Variants in ADGRL3 observed in about 807,000 individuals in gnomAD.
ADGRL3 encodes the protein adhesion G protein-coupled receptor L3, also known as calcium-independent alpha-latrotoxin receptor 3.
Under a neutral mutation model 153.5 loss-of-function variants are expected in ADGRL3, and 62 were observed. That is an observed-to-expected ratio of 0.40 (90% CI 0.33 to 0.50). ADGRL3 has a LOEUF of 0.50. ADGRL3 is among the 20% of genes least tolerant of loss of function. ADGRL3 has a pLI of 0.47. For synonymous variants in ADGRL3, 710 were observed against 672.5 expected (o/e 1.06, Z -0.86); for missense variants, 1,641 against 1,859.4 (o/e 0.88, Z 2.16).
At chr4:61,609,022 G>A (rs540841904) in intron 5 of ADGRL3, among the ~76,000 whole-genome samples, 7 of 152,030 alleles carry the variant, frequency 4.6e-5, no homozygotes, top group African/African-American at 1.7e-4. Context: ...TTACAGTTTA[G>A]CATTCAGTTA....
intron 5 of ADGRL3, among the ~76,000 whole-genome samples, chr4:61,660,917 T>C (rs1032613663): frequency 5.3e-5 from 8 of 152,138 alleles, no homozygotes; most frequent in African/African-American, 1.9e-4. Context: ...AAACCCTGTT[T>C]TGTTTATACC....
intron 1 of ADGRL3, among the ~76,000 whole-genome samples, chr4:61,312,796 A>G (rs1349897342): frequency 1.3e-5 from 2 of 152,214 alleles, no homozygotes; most frequent in Non-Finnish European, 2.9e-5. Context: ...GCAAAATGGT[A>G]CAGCCACTTT....
At chr4:61,756,048 T>C (rs1293380044) in intron 8 of ADGRL3, among the ~76,000 whole-genome samples, 1 of 152,176 alleles carries the variant, frequency 6.6e-6, no homozygotes, top group Non-Finnish European at 1.5e-5. Context: ...TGAAGTCAGG[T>C]AGCGTGATGC....
At chr4:61,879,301 G>A (rs564519573) in intron 9 of ADGRL3, among the ~76,000 whole-genome samples, 1 of 152,232 alleles carries the variant, frequency 6.6e-6, no homozygotes, top group East Asian at 1.9e-4. Flanking sequence ...TATTACTACA[G>A]ATTGTATATC....
chr4:61,949,667 C>T (rs1313922205), intron 17 of ADGRL3, among the ~76,000 whole-genome samples: 1 of 151,714 alleles, frequency 6.6e-6, no homozygotes, highest in African/African-American at 2.4e-5. Context: ...TGCACTCCAG[C>T]ATGGGAGACA....
At chr4:61,433,760 T>C (rs2097405989) in intron 2 of ADGRL3, among the ~76,000 whole-genome samples, 1 of 152,206 alleles carries the variant, frequency 6.6e-6, no homozygotes, top group Non-Finnish European at 1.5e-5. Context: ...AGCTGCCTAA[T>C]TGACATATCA....
At chr4:61,494,981 G>T (rs908077646) in intron 2 of ADGRL3, among the ~76,000 whole-genome samples, 1 of 152,030 alleles carries the variant, frequency 6.6e-6, no homozygotes, top group East Asian at 1.9e-4. Flanking sequence ...CTATTATTAC[G>T]TATTTTATAT....
At chr4:61,570,129 C>T (rs2098832540) in intron 4 of ADGRL3, among the ~76,000 whole-genome samples, 1 of 152,116 alleles carries the variant, frequency 6.6e-6, no homozygotes, top group Non-Finnish European at 1.5e-5. Context: ...ATTTACATAA[C>T]TGATTTACAT....
intron 1 of ADGRL3, among the ~76,000 whole-genome samples, chr4:61,275,668 A>T (rs1010714457): frequency 2.0e-5 from 3 of 152,140 alleles, no homozygotes; most frequent in African/African-American, 7.2e-5. Context: ...AGATGTTGCC[A>T]CTTGCTATTA....
rs190725889 is a variant in ADGRL3 at position 61,217,565 on chromosome 4, T to G, written c.-240+15800T>G. 2.6e-5 allele frequency among the ~76,000 whole-genome samples: 4 copies of G among 152,324 alleles called. No homozygotes were observed. In the East Asian group the frequency reaches 7.7e-4, roughly 29 times the overall value. On this transcript the variant is annotated intron_variant, in intron 1 of 26. Coordinates refer to ENST00000683033, the MANE Select transcript of ADGRL3 (RefSeq NM_001387552.1). The stretch of plus-strand genomic sequence containing the variant: ...AACGTAGAGAATGTTTTAATATCAC[T>G]TGTCTAGCTTTAATATTAAATTTCA...
intron 9 of ADGRL3, among the ~76,000 whole-genome samples, chr4:61,888,978 C>T (rs1377442908): frequency 6.6e-6 from 1 of 152,046 alleles, no homozygotes; most frequent in Non-Finnish European, 1.5e-5. Context: ...GTTAATTGTA[C>T]ACACTCTTAA....
chr4:61,691,551 T>C (rs961342472), intron 6 of ADGRL3, among the ~76,000 whole-genome samples: 4 of 152,162 alleles, frequency 2.6e-5, no homozygotes, highest in African/African-American at 7.2e-5. Context: ...CCTTACCTCA[T>C]GGTTACTTTG....
In ADGRL3 at chr4:61,948,257, T is replaced by A; in HGVS notation, c.2786T>A (p.Met929Lys). 6.2e-7 allele frequency: 1 copy of A among 1,613,620 alleles called. No individual in the cohort carries two copies. ...CNHLTNFAVL[M>K]AHVEVKHSDA... ...CACCTAACAAATTTTGCAGTACTGA[T>A]GGCACATGTGGAAGTTAAGGTAAGA... is the stretch of plus-strand genomic sequence containing the variant. The change falls in exon 17 of 27, where the codon ATG becomes AAG. Residue 929 changes from methionine (M) to lysine (K), a missense_variant. Around this residue, in one of 5 missense-constraint regions of ADGRL3, gnomAD observed 734 missense variants for 797.0 expected, o/e 0.92. Transcript: ENST00000683033.
intron 2 of ADGRL3, among the ~76,000 whole-genome samples, chr4:61,413,501 A>G (rs1219272158): frequency 6.6e-6 from 1 of 152,064 alleles, no homozygotes; most frequent in Non-Finnish European, 1.5e-5. Context: ...GTTATAACCT[A>G]GTGGAGATGG....
intron 1 of ADGRL3, among the ~76,000 whole-genome samples, chr4:61,304,446 C>T (rs1473397678): frequency 6.6e-6 from 1 of 152,164 alleles, no homozygotes; most frequent in African/African-American, 2.4e-5. Context: ...TGGCAGCAGG[C>T]AGTGAGGAGA....
intron 6 of ADGRL3, among the ~76,000 whole-genome samples, chr4:61,715,624 G>A (rs985788927): frequency 6.6e-6 from 1 of 151,884 alleles, no homozygotes; most frequent in African/African-American, 2.4e-5. Flanking sequence ...AAAAATTCTG[G>A]CATGTATCTA....
intron 9 of ADGRL3, among the ~76,000 whole-genome samples, chr4:61,826,050 A>G (rs1403802351): frequency 6.6e-6 from 1 of 152,208 alleles, no homozygotes; most frequent in Non-Finnish European, 1.5e-5. Flanking sequence ...ATGTGACGGT[A>G]CAATAGTGAA....
Position 62,021,099 on chromosome 4 carries a change from A to C in ADGRL3, c.3396-7756A>C, listed in dbSNP as rs529820484. ...TCCAAAATACTTTAAAAAAAAACCT[A>C]ATACAGAATCGTGTATTTTTTCCTA... On this transcript the variant is annotated intron_variant, in intron 21 of 26. Transcript: ENST00000683033. Among the ~76,000 whole-genome samples, 3 of 152,262 alleles carry C rather than the reference A, an allele frequency of 2.0e-5. No homozygotes were observed. The East Asian group carries it at 5.8e-4, about 29-fold the overall frequency.
intron 1 of ADGRL3, among the ~76,000 whole-genome samples, chr4:61,261,554 C>A (rs936051159): frequency 2.0e-5 from 3 of 152,088 alleles, no homozygotes; most frequent in African/African-American, 7.2e-5. Context: ...ATTTTGACAT[C>A]TGCCAGGGTG....
Sources: gnomAD v4.1 joint callset for allele counts (sites outside exome capture counted in the v4.1 genomes callset) on GRCh38, gnomAD v4.1.1 for gene constraint, gnomAD v4.1.1 regional missense constraint, MANE v1.5 for transcripts, NCBI Gene and HGNC (gene_info 2026-07-23, HGNC 2026-07-21) for gene names.